The following FOCAD variants were observed in gnomAD, a reference collection of about 807,000 sequenced individuals.
FOCAD encodes KIAA1797.
In FOCAD, 198 loss-of-function variants were observed where a neutral mutation model predicts 225.6. The ratio of observed to expected loss-of-function variants is 0.88; its 90% CI spans 0.78 to 0.99. The LOEUF (loss-of-function observed/expected upper bound fraction) is 0.99, where lower values mean the gene tolerates loss of function less well. FOCAD is among the 50% of genes least tolerant of loss of function. FOCAD has a pLI of 0.00. For synonymous variants in FOCAD, 897 were observed against 755.0 expected, an observed-to-expected ratio of 1.19 and a Z score of -3.08; for missense variants, 2,713 against 2,123.6, an observed-to-expected ratio of 1.28 and a Z score of -5.46.
At chr9:20,819,007 C>A (rs1016974035) in intron 11 of FOCAD, among the ~76,000 whole-genome samples, 2 of 152,044 alleles carry the variant, frequency 1.3e-5, no homozygotes, top group African/African-American at 4.8e-5. Flanking sequence ...GAATGTATTT[C>A]TTTTCACATT....
At chr9:20,698,822 T>C (rs1823598693) in intron 1 of FOCAD, among the ~76,000 whole-genome samples, 1 of 152,230 alleles carries the variant, frequency 6.6e-6, no homozygotes, top group Non-Finnish European at 1.5e-5. Flanking sequence ...CCTTAGTTTA[T>C]CTTTTAGATT....
At chr9:20,940,959 T>C (rs1003870216) in intron 28 of FOCAD, among the ~76,000 whole-genome samples, 16 of 152,284 alleles carry the variant, frequency 1.1e-4, no homozygotes, top group Admixed American at 3.3e-4. Flanking sequence ...ACCCACACTT[T>C]TTTTTTTAAT....
intron 28 of FOCAD, among the ~76,000 whole-genome samples, chr9:20,936,526 C>T (rs1835983410): frequency 6.6e-6 from 1 of 152,144 alleles, no homozygotes; most frequent in Non-Finnish European, 1.5e-5. Context: ...GGTCAAGTGA[C>T]TTCTTAAGAG....
At chr9:20,874,618 GA>G in intron 18 of FOCAD, 62 bp from the exon 19 acceptor site, 1 of 1,552,730 alleles carries the variant, frequency 6.4e-7, no homozygotes, top group South Asian at 1.2e-5. Flanking sequence ...AAAGGATACA[GA>G]AAAGATTTTG....
chr9:20,658,468 T>C (rs1330194226), intron 1 of FOCAD: 2 of 156,462 alleles, frequency 1.3e-5, no homozygotes, highest in Non-Finnish European at 2.8e-5. Flanking sequence ...AGGTGCGGAA[T>C]ATAATCTCGT....
chr9:20,828,326 T>C (rs1428408789), intron 15 of FOCAD, among the ~76,000 whole-genome samples: 2 of 152,226 alleles, frequency 1.3e-5, no homozygotes, highest in East Asian at 3.9e-4. Flanking sequence ...ATAGAATATA[T>C]ATTTAGAAAT....
In FOCAD at chr9:20,866,917, T is replaced by TTTTTTTTTTTTTTTTTTTTTTTTAAAA; in HGVS notation, c.2107-12_2107-11insTTTTTTTTTTTTTTTTTTTTTTTAAAA. On this transcript the variant is annotated splice_polypyrimidine_tract_variant and intron_variant, in intron 17 of 43. Coordinates refer to ENST00000338382, the MANE Select transcript of FOCAD (RefSeq NM_001375567.1). ...TTTTTTTTTTTTTTTTTTTTTTTTT[T>TTTTTTTTTTTTTTTTTTTTTTTTAAAA]ACCCTATCTAGGACCCAATTGTAGC... is the stretch of plus-strand genomic sequence containing the variant. The TTTTTTTTTTTTTTTTTTTTTTTTAAAA allele has an allele frequency of 1.3e-6, 1 of 764,972 alleles. No individual in the cohort carries two copies. The highest frequency in any genetic ancestry group is 2.0e-6 in the Non-Finnish European group (1 of 498,468). 47.4% of individuals were successfully genotyped at this position (764,972 alleles called of 1,614,324 possible).
intron 18 of FOCAD, 46 bp from the exon 19 acceptor site, chr9:20,874,635 T>C: frequency 6.4e-7 from 1 of 1,571,588 alleles, no homozygotes; most frequent in Non-Finnish European, 8.6e-7. Flanking sequence ...TTTTGCATAA[T>C]GTTTTATTAT....
At chr9:20,990,492 C>A (rs575155827) in intron 42 of FOCAD, 118 bp downstream of exon 42, 3 of 1,257,700 alleles carry the variant, frequency 2.4e-6, no homozygotes, top group Admixed American at 2.4e-5. Flanking sequence ...GACTTTCCTA[C>A]CCAGCCCCAT....
chr9:20,755,404 G>T (rs564538622), intron 5 of FOCAD, among the ~76,000 whole-genome samples: 1 of 152,156 alleles, frequency 6.6e-6, no homozygotes, highest in East Asian at 1.9e-4. Context: ...ATGCATAAAT[G>T]TAAATTAGAA....
At chr9:20,734,758 C>T (rs1826998973) in intron 4 of FOCAD, among the ~76,000 whole-genome samples, 1 of 152,084 alleles carries the variant, frequency 6.6e-6, no homozygotes, top group Admixed American at 6.5e-5. Context: ...GATCCTCCCA[C>T]CTCGGTCCCC....
In FOCAD at chr9:20,770,025, T is replaced by TA; in HGVS notation, c.700-4dup. 6.2e-7 allele frequency: 1 copy of TA among 1,611,530 alleles called. No homozygotes were observed. Among genetic ancestry groups the TA allele is most frequent in the Middle Eastern group, 1.7e-4 (1 of 6,052 alleles). ...TTTTAATATCATATAATGACTTTTT[T>TA]AAACAGGTAAAAGATTTGATACAGA... On this transcript the variant is annotated splice_region_variant and splice_polypyrimidine_tract_variant and intron_variant, in intron 7 of 43. Transcript: ENST00000338382.
chr9:20,814,113 A>G (rs1404360762), intron 11 of FOCAD, among the ~76,000 whole-genome samples: 1 of 152,162 alleles, frequency 6.6e-6, no homozygotes, highest in Non-Finnish European at 1.5e-5. Flanking sequence ...AGACGTTATT[A>G]TAGTGGGATC....
rs993378605 is a variant in FOCAD at position 20,815,727 on chromosome 9, A to G, written c.1456-4069A>G. 4.6e-5 allele frequency among the ~76,000 whole-genome samples: 7 copies of G among 152,130 alleles called. 1 individual carries two copies. Among genetic ancestry groups the G allele is most frequent in the Admixed American group, 1.3e-4 (2 of 15,260 alleles). ...ATGAAGCCAGATCTTGAGACAGTCA[A>G]TTATAGGACACTTACCAGCTTCTTT... On this transcript the variant is annotated intron_variant, in intron 11 of 43. Coordinates refer to ENST00000338382, the MANE Select transcript of FOCAD (RefSeq NM_001375567.1).
intron 4 of FOCAD, among the ~76,000 whole-genome samples, chr9:20,735,329 A>C (rs1563927376): frequency 1.3e-5 from 2 of 151,804 alleles, no homozygotes; most frequent in South Asian, 2.1e-4. Flanking sequence ...TATTTTTTAC[A>C]TTTTTTCTCC....
chr9:20,774,440 C>G (rs1396630812), intron 8 of FOCAD, among the ~76,000 whole-genome samples: 2 of 152,156 alleles, frequency 1.3e-5, no homozygotes, highest in Admixed American at 1.3e-4. Context: ...TCCTATCATT[C>G]CTTCTCCATT....
At chr9:20,763,103 A>C (rs1829758900) in intron 6 of FOCAD, among the ~76,000 whole-genome samples, 1 of 152,210 alleles carries the variant, frequency 6.6e-6, no homozygotes, top group Non-Finnish European at 1.5e-5. Flanking sequence ...CCTTATATAT[A>C]AGAATGTGAA....
chr9:20,775,986 G>A (rs1219116300), intron 8 of FOCAD, among the ~76,000 whole-genome samples: 1 of 151,988 alleles, frequency 6.6e-6, no homozygotes, highest in Non-Finnish European at 1.5e-5. Context: ...AGTAGAGCCT[G>A]GGTTTCCACA....
intron 21 of FOCAD, among the ~76,000 whole-genome samples, chr9:20,903,588 G>A (rs1171532883): frequency 6.6e-6 from 1 of 151,670 alleles, no homozygotes; most frequent in Non-Finnish European, 1.5e-5. Flanking sequence ...GAATTCTCTG[G>A]GTCCCCGTTA....
Sources: allele counts gnomAD v4.1 joint callset (sites outside exome capture counted in the v4.1 genomes callset), GRCh38; gene constraint gnomAD v4.1.1; transcripts MANE v1.5; gene names NCBI Gene and HGNC (gene_info 2026-07-23, HGNC 2026-07-21).